The following MYOM1 variants were observed in gnomAD, a reference collection of about 807,000 sequenced individuals.
The protein encoded by MYOM1 is myomesin-1.
MYOM1 carries 164 observed loss-of-function variants against 205.3 expected under a neutral mutation model. That is an observed-to-expected ratio of 0.80 (90% CI 0.70 to 0.91). The LOEUF (loss-of-function observed/expected upper bound fraction) is 0.91. Ranked by LOEUF, MYOM1 falls within the 40% of genes least tolerant of loss-of-function variation. MYOM1 has a pLI of 0.00. For synonymous variants in MYOM1, 772 were observed against 789.4 expected (o/e 0.98, Z 0.37); for missense variants, 2,011 against 2,127.3 (o/e 0.95, Z 1.08).
chr18:3,167,414 C>T (rs1369259398), intron 9 of MYOM1, among the ~76,000 whole-genome samples: 2 of 152,096 alleles, frequency 1.3e-5, no homozygotes, highest in Admixed American at 6.6e-5. Flanking sequence ...GATGGAGTCC[C>T]GCTCTATAGC....
chr18:3,123,484 G>C (rs937354867), intron 19 of MYOM1, among the ~76,000 whole-genome samples: 3 of 151,796 alleles, frequency 2.0e-5, no homozygotes, highest in Non-Finnish European at 4.4e-5. Flanking sequence ...GCTTTAAAAA[G>C]ACCAAAACGA....
At chr18:3,081,383 GT>G (rs200135681) in intron 33 of MYOM1, among the ~76,000 whole-genome samples, 2 of 152,134 alleles carry the variant, frequency 1.3e-5, no homozygotes, top group East Asian at 3.8e-4. Flanking sequence ...CGTTTCAAGG[GT>G]TTTTTTCCCC....
At chr18:3,090,854 T>G (rs1395252457) in intron 26 of MYOM1, 52 bp from the exon 27 acceptor site, 2 of 1,605,754 alleles carry the variant, frequency 1.2e-6, no homozygotes, top group African/African-American at 1.3e-5. Context: ...TATATTTTAC[T>G]TGGAATGACA....
Position 3,191,367 on chromosome 18 carries a change from T to A in MYOM1, c.432-2280A>T, listed in dbSNP as rs529177916. Among the ~76,000 whole-genome samples, 190 of 152,330 alleles carry A rather than the reference T, an allele frequency of 1.2e-3. 2 individuals are homozygous for A. Among genetic ancestry groups the A allele is most frequent in the African/African-American group, 4.3e-3 (179 of 41,578 alleles). ...CGCCAGGCCTACGTGGGACTTTCAA[T>A]TCTTTACCTCCCAGGCATGCAGCTT... On this transcript the variant is annotated intron_variant, in intron 3 of 37. Coordinates refer to ENST00000356443, the MANE Select transcript of MYOM1 (RefSeq NM_003803.4).
chr18:3,075,730 C>A lies in MYOM1; in HGVS notation c.4680G>T (p.Arg1560Ser). Residue 1560 changes from arginine (R) to serine (S), a missense_variant, in exon 35 of 38, where the codon AGG becomes AGT. By Grantham distance (110) the Arg-to-Ser change is moderately radical. Transcript: ENST00000356443. ...TGCTAGGACCAGGGACTTACTTCAA[C>A]CTCTGGAATTCAGCATAGGCCTCAT... Reference protein sequence around the residue: ...AYDEAYAEFQRLKQAAIAEKN... With the variant: ...AYDEAYAEFQSLKQAAIAEKN... The A allele has an allele frequency of 6.2e-7, 1 of 1,600,888 alleles. No individual in the cohort carries two copies. The highest frequency in any genetic ancestry group is 8.5e-7 in the Non-Finnish European group (1 of 1,172,826).
At chr18:3,155,514 A>AG (rs2080290005) in intron 10 of MYOM1, among the ~76,000 whole-genome samples, 1 of 152,172 alleles carries the variant, frequency 6.6e-6, no homozygotes, top group Non-Finnish European at 1.5e-5. Context: ...GTGAGCCATC[A>AG]CACCCGGCCA....
intron 37 of MYOM1, among the ~76,000 whole-genome samples, chr18:3,070,933 A>G (rs1409190021): frequency 6.6e-6 from 1 of 151,764 alleles, no homozygotes; most frequent in Non-Finnish European, 1.5e-5. Flanking sequence ...TAAATTTTGT[A>G]TTTTTTGTAG....
chr18:3,206,725 G>C (rs2081127489), intron 2 of MYOM1, among the ~76,000 whole-genome samples: 1 of 152,104 alleles, frequency 6.6e-6, no homozygotes, highest in South Asian at 2.1e-4. Context: ...TGACACACAT[G>C]GAGGTTTCAG....
chr18:3,143,794 G>A (rs1162525455), intron 13 of MYOM1, among the ~76,000 whole-genome samples: 1 of 151,124 alleles, frequency 6.6e-6, no homozygotes, highest in Non-Finnish European at 1.5e-5. Flanking sequence ...CCAGCTACTT[G>A]GGAGGCTGAG....
chr18:3,126,848 G>A lies in MYOM1; in HGVS notation c.2844C>T (p.Asp948=), dbSNP rs2079793797. 1 of 1,613,036 alleles carries A rather than the reference G, an allele frequency of 6.2e-7. No individual in the cohort carries two copies. Among genetic ancestry groups the A allele is most frequent in the Admixed American group, 1.7e-5 (1 of 59,862 alleles). ...GTTGCTTCCATCCAAGAACCATTGA[G>A]TCACGAAAACTTTCAAGACAGGTGA... ...CDITCLESFR[D]SMVLGWKQPD... Residue 948 remains aspartate, a synonymous_variant, in exon 19 of 38, where the codon GAC becomes GAT. Transcript: ENST00000356443.
At chr18:3,113,766 T>C (rs2079563909) in intron 21 of MYOM1, among the ~76,000 whole-genome samples, 1 of 152,046 alleles carries the variant, frequency 6.6e-6, no homozygotes, top group Non-Finnish European at 1.5e-5. Context: ...AGAAGGAATT[T>C]ATTACACAGA....
At position 3,188,475 on chromosome 18, in the gene MYOM1, G is replaced by A. The variant is rs925759301; in HGVS notation, c.771+273C>T. ...CTACCAGAAAAAAAAAAACAACAAC[G>A]AAAATTAGCTGGGTGTGGTGGCACG... On this transcript the variant is annotated intron_variant, in intron 4 of 37. Coordinates refer to ENST00000356443, the MANE Select transcript of MYOM1 (RefSeq NM_003803.4). 1.1e-4 allele frequency among the ~76,000 whole-genome samples: 16 copies of A among 142,764 alleles called. No homozygotes were observed. In the East Asian group the frequency reaches 1.4e-3, roughly 12 times the overall value. The allele number at this position is 142,764 out of a possible 152,430, so 93.7% of individuals were successfully genotyped here. A position where few individuals can be genotyped will look rare whatever the true frequency, so the allele number is the denominator to read the frequency against.
At chr18:3,133,247 C>T (rs1412400446) in intron 16 of MYOM1, among the ~76,000 whole-genome samples, 2 of 152,150 alleles carry the variant, frequency 1.3e-5, no homozygotes, top group Non-Finnish European at 2.9e-5. Context: ...TTTATCTCTA[C>T]TCTCTCACGT....
At chr18:3,149,056 T>C in intron 13 of MYOM1, 89 bp downstream of exon 13, 1 of 998,086 alleles carries the variant, frequency 1.0e-6, no homozygotes, top group South Asian at 1.3e-5. Flanking sequence ...CAAAACATCT[T>C]AAGCAATACA....
intron 2 of MYOM1, among the ~76,000 whole-genome samples, chr18:3,210,739 T>C (rs1301121653): frequency 6.6e-6 from 1 of 152,116 alleles, no homozygotes; most frequent in Non-Finnish European, 1.5e-5. Context: ...CGGTGGTGTA[T>C]GATCAAGGGG....
chr18:3,149,708 T>C (rs1333645851), intron 12 of MYOM1, among the ~76,000 whole-genome samples: 1 of 152,062 alleles, frequency 6.6e-6, no homozygotes, highest in Non-Finnish European at 1.5e-5. Context: ...CCAAAGGAAA[T>C]CAGTTGAGAT....
chr18:3,113,309 T>A (rs1344702650), intron 21 of MYOM1, among the ~76,000 whole-genome samples: 1 of 35,088 alleles, frequency 2.8e-5, no homozygotes, highest in Non-Finnish European at 7.0e-5. Flanking sequence ...TATATATATA[T>A]ATATATATAT....
chr18:3,239,469 C>T, the MYOM1 span, among the ~76,000 whole-genome samples: 6 of 152,132 alleles, frequency 3.9e-5, no homozygotes, highest in South Asian at 1.2e-3. Flanking sequence ...TAGACAAGAG[C>T]ATGGGCCAGG....
chr18:3,216,790 T>TG (rs1567973812), intron 1 of MYOM1, among the ~76,000 whole-genome samples: 2 of 152,148 alleles, frequency 1.3e-5, no homozygotes, highest in Non-Finnish European at 2.9e-5. Context: ...TGTCTGAAGA[T>TG]GGACTGTGGA....
Sources: gnomAD v4.1 joint callset for allele counts (sites outside exome capture counted in the v4.1 genomes callset) on GRCh38, gnomAD v4.1.1 for gene constraint, MANE v1.5 for transcripts, NCBI Gene and HGNC (gene_info 2026-07-23, HGNC 2026-07-21) for gene names.